Variants in CFAP299 observed in about 807,000 individuals in gnomAD.
CFAP299 encodes cilia- and flagella-associated protein 299.
Under a neutral mutation model 27.0 loss-of-function variants are expected in CFAP299, and 21 were observed. That is an observed-to-expected ratio of 0.78 (90% confidence interval 0.55 to 1.12). The LOEUF (loss-of-function observed/expected upper bound fraction) is 1.12, where lower values mean the gene tolerates loss of function less well. CFAP299 is among the 50% of genes most tolerant of loss of function. The pLI is 0.00. For missense variants in CFAP299, 310 were observed against 276.6 expected, an observed-to-expected ratio of 1.12 and a Z score of -0.86; for synonymous variants, 104 against 98.1, an observed-to-expected ratio of 1.06 and a Z score of -0.36.
At chr4:80,468,223 C>CTTT (rs113555359) in intron 2 of CFAP299, among the ~76,000 whole-genome samples, 4 of 143,760 alleles carry the variant, frequency 2.8e-5, no homozygotes, top group Admixed American at 6.9e-5. Flanking sequence ...GTTATAATTT[C>CTTT]TTTTTTTTTT....
At chr4:80,605,792 T>C (rs565723473) in intron 3 of CFAP299, among the ~76,000 whole-genome samples, 1 of 152,220 alleles carries the variant, frequency 6.6e-6, no homozygotes, top group Non-Finnish European at 1.5e-5. Flanking sequence ...AATACCTGTA[T>C]ATGCTTTAGT....
intron 3 of CFAP299, among the ~76,000 whole-genome samples, chr4:80,585,123 A>C (rs1241584805): frequency 2.6e-5 from 4 of 152,084 alleles, no homozygotes; most frequent in African/African-American, 9.7e-5. Flanking sequence ...TCAGATGAAG[A>C]GAAATGATTT....
chr4:80,480,080 G>A (rs777336952), intron 2 of CFAP299, among the ~76,000 whole-genome samples: 34 of 151,828 alleles, frequency 2.2e-4, no homozygotes, highest in Non-Finnish European at 4.9e-4. Context: ...ATGTACCAGT[G>A]CATTTTTTTT....
intron 3 of CFAP299, among the ~76,000 whole-genome samples, chr4:80,741,936 G>A (rs1363682654): frequency 1.3e-5 from 2 of 152,134 alleles, no homozygotes; most frequent in Non-Finnish European, 2.9e-5. Context: ...GGCACTGCCT[G>A]AGCCCAGAAC....
At chr4:80,860,425 G>C (rs973243292) in intron 3 of CFAP299, among the ~76,000 whole-genome samples, 1 of 152,174 alleles carries the variant, frequency 6.6e-6, no homozygotes, top group African/African-American at 2.4e-5. Context: ...GTCATTCTCT[G>C]TCCAGCTTTG....
At chr4:80,817,212 A>G (rs941881122) in intron 3 of CFAP299, among the ~76,000 whole-genome samples, 1 of 152,120 alleles carries the variant, frequency 6.6e-6, no homozygotes, top group African/African-American at 2.4e-5. Context: ...ACAGGCCCCT[A>G]GAGGATTAGT....
At chr4:80,709,216 C>T (rs1721997180) in intron 3 of CFAP299, among the ~76,000 whole-genome samples, 2 of 152,002 alleles carry the variant, frequency 1.3e-5, no homozygotes, top group Admixed American at 1.3e-4. Context: ...TTTTATTCAC[C>T]CACATGTTTT....
At chr4:80,489,186 A>G (rs1049779168) in intron 2 of CFAP299, among the ~76,000 whole-genome samples, 1 of 152,138 alleles carries the variant, frequency 6.6e-6, no homozygotes, top group Non-Finnish European at 1.5e-5. Flanking sequence ...TAGTTGGACA[A>G]TGTGGACCTT....
intron 3 of CFAP299, among the ~76,000 whole-genome samples, chr4:80,620,054 A>G (rs892938837): frequency 2.6e-5 from 4 of 152,160 alleles, no homozygotes; most frequent in African/African-American, 9.6e-5. Flanking sequence ...TATGATATAA[A>G]GCACAAGGCA....
chr4:80,368,169 C>G (rs1446892675), intron 2 of CFAP299, among the ~76,000 whole-genome samples: 3 of 152,150 alleles, frequency 2.0e-5, no homozygotes, highest in African/African-American at 7.2e-5. Flanking sequence ...TGTCATTGTA[C>G]TGGTTAGCTA....
At chr4:80,477,097 C>A (rs928717150) in intron 2 of CFAP299, among the ~76,000 whole-genome samples, 5 of 151,972 alleles carry the variant, frequency 3.3e-5, no homozygotes, top group African/African-American at 1.2e-4. Context: ...TGTTGCCTAG[C>A]AAGTTAGAGT....
chr4:80,389,016 A>T (rs1045042808), intron 2 of CFAP299, among the ~76,000 whole-genome samples: 4 of 152,156 alleles, frequency 2.6e-5, no homozygotes, highest in African/African-American at 9.7e-5. Context: ...TGTGTTTAAC[A>T]TGGAAAGTTC....
chr4:80,690,400 C>A (rs1320352374), intron 3 of CFAP299, among the ~76,000 whole-genome samples: 1 of 152,070 alleles, frequency 6.6e-6, no homozygotes, highest in African/African-American at 2.4e-5. Flanking sequence ...CACTCAAAAC[C>A]ACTCAACTAT....
intron 3 of CFAP299, among the ~76,000 whole-genome samples, chr4:80,805,651 G>A (rs537996256): frequency 1.4e-4 from 21 of 151,942 alleles, no homozygotes; most frequent in South Asian, 1.0e-3. Context: ...CAAGACTAGC[G>A]TGGGCAACAT....
intron 1 of CFAP299, among the ~76,000 whole-genome samples, chr4:80,338,080 A>T (rs1472851097): frequency 1.3e-5 from 2 of 152,142 alleles, no homozygotes; most frequent in African/African-American, 4.8e-5. Context: ...GTGAGCTGAT[A>T]CTTGTGCTTT....
the CFAP299 span, among the ~76,000 whole-genome samples, chr4:80,327,791 G>A: frequency 4.1e-5 from 4 of 96,766 alleles, no homozygotes; most frequent in African/African-American, 1.4e-4. Flanking sequence ...TGTGCAGTGT[G>A]AGGCAAAGGG....
intron 2 of CFAP299, among the ~76,000 whole-genome samples, chr4:80,527,227 G>T (rs1681512531): frequency 6.6e-6 from 1 of 152,000 alleles, no homozygotes; most frequent in Non-Finnish European, 1.5e-5. Context: ...AATTGCTGGG[G>T]ACTTACCGGC....
chr4:80,762,334 A>G (rs890352901), intron 3 of CFAP299, among the ~76,000 whole-genome samples: 3 of 152,238 alleles, frequency 2.0e-5, no homozygotes, highest in Non-Finnish European at 2.9e-5. Flanking sequence ...GCAAGAAAGA[A>G]AGATACTAGA....
intron 3 of CFAP299, among the ~76,000 whole-genome samples, chr4:80,649,901 T>A (rs1257385828): frequency 1.3e-5 from 2 of 152,092 alleles, no homozygotes; most frequent in Non-Finnish European, 2.9e-5. Flanking sequence ...GTTTTCTTCA[T>A]AAATCATTAA....
Sources: gnomAD v4.1 joint callset for allele counts (sites outside exome capture counted in the v4.1 genomes callset) on GRCh38, gnomAD v4.1.1 for gene constraint, MANE v1.5 for transcripts, NCBI Gene and HGNC (gene_info 2026-07-23, HGNC 2026-07-21) for gene names.